CCDC102B: variants seen among roughly 807,000 people sequenced by gnomAD.
CCDC102B encodes the protein coiled-coil domain-containing protein 102B.
Under a neutral mutation model 57.4 loss-of-function variants are expected in CCDC102B, and 75 were observed. The observed-to-expected ratio is 1.31, with a 90% CI of 1.08 to 1.58. The LOEUF is 1.58. CCDC102B is among the 40% of genes most tolerant of loss of function. CCDC102B has a pLI of 0.00. For synonymous variants in CCDC102B, 206 were observed against 201.9 expected (o/e 1.02, Z -0.17); for missense variants, 636 against 582.6 (o/e 1.09, Z -0.94).
At chr18:68,926,215 C>G (rs1030980815) in intron 6 of CCDC102B, among the ~76,000 whole-genome samples, 1 of 151,722 alleles carries the variant, frequency 6.6e-6, no homozygotes, top group African/African-American at 2.4e-5. Flanking sequence ...AGTTTTGCAA[C>G]TTGAAAGTAT....
intron 4 of CCDC102B, chr18:68,867,037 C>T (rs1319731582): frequency 3.8e-6 from 1 of 266,394 alleles, no homozygotes; most frequent in Non-Finnish European, 7.5e-6. Flanking sequence ...GAAGAGCTGA[C>T]GTTCCCAGCG....
In CCDC102B at chr18:68,857,890, A is replaced by C. The variant is rs191824403; in HGVS notation, c.936+11469A>C. Among the ~76,000 whole-genome samples the C allele has an allele frequency of 4.7e-4, 71 of 152,264 alleles. 1 individual carries two copies. Among genetic ancestry groups the C allele is most frequent in the African/African-American group, 1.6e-3 (66 of 41,562 alleles). ...AATTTTTCAGTAAACAACTTTGTGC[A>C]TGTATCGTTACACTCTGAAGTTTTT... is the stretch of plus-strand genomic sequence containing the variant. On this transcript the variant is annotated intron_variant, in intron 4 of 7. Coordinates refer to ENST00000360242, the MANE Select transcript of CCDC102B (RefSeq NM_024781.3).
At chr18:69,031,212 G>A (rs951701013) in intron 7 of CCDC102B, among the ~76,000 whole-genome samples, 5 of 152,128 alleles carry the variant, frequency 3.3e-5, no homozygotes, top group African/African-American at 7.2e-5. Flanking sequence ...ATTTCATCGT[G>A]TTATATATTA....
intron 7 of CCDC102B, among the ~76,000 whole-genome samples, chr18:69,021,726 A>G (rs1203883834): frequency 1.3e-5 from 2 of 152,186 alleles, no homozygotes; most frequent in East Asian, 1.9e-4. Context: ...TGACACCCCA[A>G]CTGGAGTAGA....
chr18:69,011,004 C>T lies in CCDC102B; in HGVS notation c.1334C>T (p.Thr445Ile), dbSNP rs200588508. The change falls in exon 7 of 8, where the codon ACT becomes ATT. Residue 445 changes from threonine (T) to isoleucine (I), a missense_variant. Physicochemically the swap from Thr to Ile is moderately conservative, Grantham distance 89 (BLOSUM62 -1). Coordinates refer to ENST00000360242, the MANE Select transcript of CCDC102B (RefSeq NM_024781.3). The stretch of plus-strand genomic sequence containing the variant: ...TACCAGGCAAATATTGCAGAACTGA[C>T]TCATGCAAACAACCGAGTGGATCAA... ...RQYQANIAEL[T>I]HANNRVDQNE... 373 of 1,613,704 alleles carry T rather than the reference C, an allele frequency of 2.3e-4. 1 individual carries two copies. Among genetic ancestry groups the T allele is most frequent in the South Asian group, 3.3e-5 (3 of 91,042 alleles).
intron 6 of CCDC102B, among the ~76,000 whole-genome samples, chr18:68,960,877 G>A (rs2050029154): frequency 6.6e-6 from 1 of 152,196 alleles, no homozygotes; most frequent in Admixed American, 6.5e-5. Context: ...GGATGGGGAA[G>A]GTGGTGTTAG....
chr18:69,047,122 G>A (rs908537625), intron 7 of CCDC102B, among the ~76,000 whole-genome samples: 10 of 152,016 alleles, frequency 6.6e-5, no homozygotes, highest in African/African-American at 2.4e-4. Context: ...AAAACTTCAG[G>A]CCAATATGCT....
At chr18:68,880,082 G>C (rs1302372045) in intron 5 of CCDC102B, among the ~76,000 whole-genome samples, 2 of 152,156 alleles carry the variant, frequency 1.3e-5, no homozygotes, top group Non-Finnish European at 2.9e-5. Flanking sequence ...CCCCACGGGA[G>C]CCCATGGAGG....
At chr18:68,765,345 G>C (rs1299175436) in intron 2 of CCDC102B, among the ~76,000 whole-genome samples, 2 of 119,466 alleles carry the variant, frequency 1.7e-5, no homozygotes, top group Non-Finnish European at 3.5e-5. Flanking sequence ...AAGAAAGAAA[G>C]AAAGAAAGAA....
At position 68,721,347 on chromosome 18, in the gene CCDC102B, A is replaced by AC. The variant is rs1310078327; in HGVS notation, c.-67+4756dup. On this transcript the variant is annotated intron_variant, in intron 2 of 3. Transcript: ENST00000578970. ...CCACAAAACCACCCTTGTCCCTACAACCCTTGTCCCTTTCCAGTGCTCCTT... is the reference window on the plus strand; with the variant it reads ...CCACAAAACCACCCTTGTCCCTACAACCCCTTGTCCCTTTCCAGTGCTCCTT... 8 of 152,134 alleles carry AC rather than the reference A, an allele frequency of 5.3e-5. No homozygotes were observed. In the East Asian group the frequency reaches 1.5e-3, roughly 29 times the overall value. The allele number at this position is 152,134 out of a possible 1,614,324, so 9.4% of individuals were successfully genotyped here.
chr18:68,971,532 T>G (rs971505511), intron 6 of CCDC102B, among the ~76,000 whole-genome samples: 1 of 152,272 alleles, frequency 6.6e-6, no homozygotes, highest in African/African-American at 2.4e-5. Context: ...AATTATGATT[T>G]TTTTGAGAAT....
At chr18:69,009,352 T>C (rs970256399) in intron 6 of CCDC102B, among the ~76,000 whole-genome samples, 2 of 152,208 alleles carry the variant, frequency 1.3e-5, no homozygotes, top group African/African-American at 4.8e-5. Context: ...CAAGGTTCCC[T>C]TTAAGCTACC....
At chr18:68,775,788 G>C (rs905636962) in intron 2 of CCDC102B, among the ~76,000 whole-genome samples, 11 of 151,692 alleles carry the variant, frequency 7.3e-5, no homozygotes, top group Admixed American at 6.6e-4. Context: ...TGAGTAGCTG[G>C]GACTACAGGC....
intron 2 of CCDC102B, among the ~76,000 whole-genome samples, chr18:68,735,740 C>T (rs2033096701): frequency 6.6e-6 from 1 of 152,166 alleles, no homozygotes; most frequent in South Asian, 2.1e-4. Context: ...ACTCTTTAAC[C>T]AGAGGTGCAT....
chr18:68,944,455 A>C (rs1481651980), intron 6 of CCDC102B, among the ~76,000 whole-genome samples: 1 of 150,546 alleles, frequency 6.6e-6, no homozygotes, highest in African/African-American at 2.4e-5. Context: ...GAAGATTAGG[A>C]GTCTGATGAG....
intron 5 of CCDC102B, among the ~76,000 whole-genome samples, chr18:68,891,473 A>G (rs2040076076): frequency 6.6e-6 from 1 of 152,092 alleles, no homozygotes; most frequent in Non-Finnish European, 1.5e-5. Flanking sequence ...TTTGATTCTC[A>G]TTTTGTTTTC....
intron 4 of CCDC102B, among the ~76,000 whole-genome samples, chr18:68,857,284 AT>A (rs1280949530): frequency 3.6e-4 from 3 of 8,448 alleles, no homozygotes; most frequent in East Asian, 5.2e-3. Context: ...TATAATATAT[AT>A]TTATATATTA....
rs191593818 is a variant in CCDC102B at position 68,955,785 on chromosome 18, G to A, written c.1264-55149G>A. 1.6e-3 allele frequency among the ~76,000 whole-genome samples: 246 copies of A among 151,816 alleles called. 1 individual carries two copies. The highest frequency in any genetic ancestry group is 5.9e-3 in the African/African-American group (244 of 41,410). On this transcript the variant is annotated intron_variant, in intron 6 of 7. Coordinates refer to ENST00000360242, the MANE Select transcript of CCDC102B (RefSeq NM_024781.3). ...TTGTACTTTCTCGTTAATTTTGTGG[G>A]TACATAGTAGATGTATTAAATTATG... is the stretch of plus-strand genomic sequence containing the variant.
At chr18:68,779,647 T>G (rs1188847872) in intron 2 of CCDC102B, among the ~76,000 whole-genome samples, 1 of 152,090 alleles carries the variant, frequency 6.6e-6, no homozygotes, top group Non-Finnish European at 1.5e-5. Context: ...TCAAAAATGT[T>G]TGGAGACCAT....
Sources: allele counts gnomAD v4.1 joint callset (sites outside exome capture counted in the v4.1 genomes callset), GRCh38; gene constraint gnomAD v4.1.1; transcripts MANE v1.5; gene names NCBI Gene and HGNC (gene_info 2026-07-23, HGNC 2026-07-21).